Variants in PCDHGB1 observed in about 807,000 individuals in gnomAD.
PCDHGB1 encodes the protein protocadherin gamma subfamily B, 1.
PCDHGB1 carries 34 observed loss-of-function variants against 56.6 expected under a neutral mutation model. The observed-to-expected ratio is 0.60, with a 90% CI of 0.46 to 0.80. PCDHGB1 has a LOEUF of 0.80. Among genes scored for constraint, PCDHGB1 ranks in the 30% least tolerant of loss-of-function variants. The pLI is 0.00. For missense variants in PCDHGB1, 1,278 were observed against 1,204.6 expected (o/e 1.06, Z -0.90); for synonymous variants, 561 against 505.9 (o/e 1.11, Z -1.46).
intron 1 of PCDHGB1, chr5:141,364,513 G>A (rs1027493241): frequency 3.1e-6 from 5 of 1,613,934 alleles, no homozygotes; most frequent in South Asian, 1.1e-5. Context: ...AGCTGGCGGA[G>A]CGCGGAGTCC....
chr5:141,459,939 G>A (rs377668643), intron 1 of PCDHGB1, among the ~76,000 whole-genome samples: 7 of 152,256 alleles, frequency 4.6e-5, no homozygotes, highest in Non-Finnish European at 7.4e-5. Flanking sequence ...GTAGCTGGGC[G>A]TGATGGCAGG....
At chr5:141,415,736 TA>T in intron 1 of PCDHGB1, 1 of 1,289,980 alleles carries the variant, frequency 7.8e-7, no homozygotes, top group South Asian at 1.8e-5. Context: ...TGATGTTTAT[TA>T]AGGTTTTTTT....
At chr5:141,438,595 T>C (rs11949887) in intron 1 of PCDHGB1, among the ~76,000 whole-genome samples, 1,254 of 57,838 alleles carry the variant, frequency 0.022, 9 homozygotes, top group Non-Finnish European at 0.023. Flanking sequence ...TACATACATA[T>C]ATATATATAT....
chr5:141,361,183 A>C (rs1461203772), intron 1 of PCDHGB1: 2 of 1,613,944 alleles, frequency 1.2e-6, no homozygotes, highest in Non-Finnish European at 1.7e-6. Flanking sequence ...AGTTATTGTG[A>C]CTTCAGTATC....
chr5:141,393,937 A>G lies in PCDHGB1; in HGVS notation c.2409+41268A>G, dbSNP rs751838967. 26 of 1,613,788 alleles carry G rather than the reference A, an allele frequency of 1.6e-5. 2 individuals are homozygous for G. In the South Asian group the frequency reaches 2.9e-4, roughly 18 times the overall value. On this transcript the variant is annotated intron_variant, in intron 1 of 3. Coordinates refer to ENST00000523390, the MANE Select transcript of PCDHGB1 (RefSeq NM_018922.3). ...GCCTTCTTGAGTGTGCATGACCAAG[A>G]CTCTGGAAAGAATGGTCAAGTTGTC...
At chr5:141,398,611 A>G (rs2093677658) in intron 1 of PCDHGB1, 4 of 1,613,944 alleles carry the variant, frequency 2.5e-6, no homozygotes, top group African/African-American at 1.3e-5. Context: ...AGATGCAGAT[A>G]TTGGCTTAAA....
chr5:141,433,080 A>T lies in PCDHGB1; in HGVS notation c.2410-61727A>T, dbSNP rs1315049041. 4.3e-6 allele frequency: 7 copies of T among 1,614,174 alleles called. No homozygotes were observed. The East Asian group carries it at 1.6e-4, about 36-fold the overall frequency. ...AGTCACCTGATCTTCCCCCAGCCCA[A>T]CTATGCAGACATGCTCGTCAGCCAG... On this transcript the variant is annotated intron_variant, in intron 1 of 3. Transcript: ENST00000523390.
intron 1 of PCDHGB1, chr5:141,388,815 A>G: frequency 1.2e-6 from 2 of 1,613,992 alleles, no homozygotes; most frequent in Non-Finnish European, 1.7e-6. Flanking sequence ...TGAAGAAGTC[A>G]AAGAATATTC....
At chr5:141,375,118 A>T in intron 1 of PCDHGB1, 1 of 1,613,984 alleles carries the variant, frequency 6.2e-7, no homozygotes, top group Non-Finnish European at 8.5e-7. Context: ...ATAATGTACC[A>T]GAAGTGGTTG....
chr5:141,494,428 G>A (rs1476469017), intron 1 of PCDHGB1, among the ~76,000 whole-genome samples: 1 of 152,148 alleles, frequency 6.6e-6, no homozygotes, highest in African/African-American at 2.4e-5. Flanking sequence ...TCATTGAAAA[G>A]CCTCCTTTGC....
intron 1 of PCDHGB1, chr5:141,419,776 C>T (rs965350189): frequency 1.2e-6 from 2 of 1,614,026 alleles, no homozygotes; most frequent in Admixed American, 1.7e-5. Context: ...ACTCGGTCCG[C>T]CAGCGCCTGC....
chr5:141,490,346 T>A lies in PCDHGB1; in HGVS notation c.2410-4461T>A. On this transcript the variant is annotated intron_variant, in intron 1 of 3. Coordinates refer to ENST00000523390, the MANE Select transcript of PCDHGB1 (RefSeq NM_018922.3). This position sits in a 1 kb window ranked among gnomAD's most constrained non-coding sequence, Gnocchi z 5.4. ...GAGAGCACACCAGTGGGCACAGTAG[T>A]GGGGTTGTTTAATGTGCGAGACCGG... The A allele has an allele frequency of 6.2e-7, 1 of 1,614,164 alleles. No individual in the cohort carries two copies. The highest frequency in any genetic ancestry group is 8.5e-7 in the Non-Finnish European group (1 of 1,180,020).
chr5:141,364,366 G>A (rs755664508), intron 1 of PCDHGB1: 1 of 1,563,758 alleles, frequency 6.4e-7, no homozygotes, highest in South Asian at 1.2e-5. Context: ...GCTGCGGAGA[G>A]CTGCTGCTGC....
intron 1 of PCDHGB1, chr5:141,423,165 C>T (rs1307049367): frequency 6.8e-6 from 11 of 1,613,434 alleles, no homozygotes; most frequent in Admixed American, 3.3e-5. Context: ...TCGTGGTGGC[C>T]GTCCAGGACC....
chr5:141,396,347 G>A (rs765584625), intron 1 of PCDHGB1: 21 of 152,416 alleles, frequency 1.4e-4, no homozygotes, highest in Non-Finnish European at 2.5e-4. Context: ...GGCCGGGTGC[G>A]GTGGCTCACG....
At chr5:141,364,516 C>T (rs1182506562) in intron 1 of PCDHGB1, 50 of 1,613,884 alleles carry the variant, frequency 3.1e-5, no homozygotes, top group Non-Finnish European at 4.2e-5. Flanking sequence ...TGGCGGAGCG[C>T]GGAGTCCGCA....
intron 1 of PCDHGB1, among the ~76,000 whole-genome samples, chr5:141,359,329 C>T (rs1425381791): frequency 6.6e-6 from 1 of 151,992 alleles, no homozygotes; most frequent in Middle Eastern, 3.4e-3. Context: ...GGAATATATT[C>T]CAGAATGAGA....
chr5:141,361,403 C>G (rs376882541), intron 1 of PCDHGB1: 10 of 1,613,932 alleles, frequency 6.2e-6, no homozygotes, highest in Non-Finnish European at 7.6e-6. Context: ...CTCACCATCA[C>G]AGCCACCGAC....
In PCDHGB1 at chr5:141,383,904, C is replaced by T. The variant is rs759650044; in HGVS notation, c.2409+31235C>T. ...GTCTGACAAAGGCAAAAGTACTGAT[C>T]ACAGTTTTAGATGTAAATGATAATG... On this transcript the variant is annotated intron_variant, in intron 1 of 3. Coordinates refer to ENST00000523390, the MANE Select transcript of PCDHGB1 (RefSeq NM_018922.3). The T allele has an allele frequency of 1.1e-5, 18 of 1,613,626 alleles. No homozygotes were observed. The South Asian group carries it at 1.8e-4, about 16-fold the overall frequency.
Sources: allele counts gnomAD v4.1 joint callset (sites outside exome capture counted in the v4.1 genomes callset), GRCh38; gene constraint gnomAD v4.1.1; non-coding constraint Gnocchi (gnomAD v3.1); transcripts MANE v1.5; gene names NCBI Gene and HGNC (gene_info 2026-07-23, HGNC 2026-07-21).